Variants in PDK1 observed in about 807,000 individuals in gnomAD.
The protein encoded by PDK1 is pyruvate dehydrogenase kinase 1, also known as [Pyruvate dehydrogenase (acetyl-transferring)] kinase isozyme 1, mitochondrial.
PDK1 carries 39 observed loss-of-function variants against 54.2 expected under a neutral mutation model. That is an observed-to-expected ratio of 0.72 (90% confidence interval 0.56 to 0.94). PDK1 has a LOEUF of 0.94. Among genes scored for constraint, PDK1 ranks in the 40% least tolerant of loss-of-function variants. The pLI, the probability that PDK1 is intolerant of heterozygous loss-of-function variation, is 0.00. For missense variants in PDK1, 552 were observed against 566.0 expected, an observed-to-expected ratio of 0.98 and a Z score of 0.25; for synonymous variants, 221 against 207.1, an observed-to-expected ratio of 1.07 and a Z score of -0.58.
At chr2:172,636,279 A>G in the PDK1 span, among the ~76,000 whole-genome samples, 15,526 of 152,274 alleles carry the variant, frequency 0.1, 954 homozygotes, top group Non-Finnish European at 0.13. Flanking sequence ...TGGCACTAGC[A>G]TCTGCTTCTA....
the PDK1 span, chr2:172,674,066 G>T: frequency 6.6e-6 from 1 of 152,152 alleles, no homozygotes; most frequent in East Asian, 1.9e-4. Context: ...AGAAAATAAG[G>T]CTTGACTAAC....
the PDK1 span, among the ~76,000 whole-genome samples, chr2:172,704,288 A>G: frequency 2.6e-5 from 4 of 152,130 alleles, no homozygotes; most frequent in Admixed American, 6.5e-5. Flanking sequence ...CAGGGCTCCC[A>G]GGGACTCTGT....
At chr2:172,720,700 T>C in the PDK1 span, among the ~76,000 whole-genome samples, 3 of 152,186 alleles carry the variant, frequency 2.0e-5, no homozygotes, top group African/African-American at 7.2e-5. Flanking sequence ...TGTTCCTTGC[T>C]CTTCCAATAA....
the PDK1 span, among the ~76,000 whole-genome samples, chr2:172,703,831 T>C: frequency 6.8e-6 from 1 of 147,692 alleles, no homozygotes; most frequent in African/African-American, 2.5e-5. Flanking sequence ...GGCATGCAGT[T>C]GTGCGATCTC....
the PDK1 span, among the ~76,000 whole-genome samples, chr2:172,649,595 A>C: frequency 6.6e-6 from 1 of 152,312 alleles, no homozygotes; most frequent in African/African-American, 2.4e-5. Flanking sequence ...TTGAAAAAAA[A>C]CTTAGATGAA....
At chr2:172,683,962 T>G in the PDK1 span, among the ~76,000 whole-genome samples, 1 of 152,196 alleles carries the variant, frequency 6.6e-6, no homozygotes, top group Non-Finnish European at 1.5e-5. Context: ...GACATTATGA[T>G]GAGAGCAACC....
At chr2:172,704,350 C>T in the PDK1 span, among the ~76,000 whole-genome samples, 1 of 152,044 alleles carries the variant, frequency 6.6e-6, no homozygotes, top group African/African-American at 2.4e-5. Flanking sequence ...TGTTTTCAGT[C>T]GGGGTTTTGT....
chr2:172,672,365 A>G, the PDK1 span, among the ~76,000 whole-genome samples: 4 of 151,696 alleles, frequency 2.6e-5, no homozygotes, highest in East Asian at 7.7e-4. Flanking sequence ...TCCTTCCTCC[A>G]CTCCTTGCTA....
chr2:172,588,475 C>G (rs1416231084), intron 9 of PDK1, among the ~76,000 whole-genome samples: 1 of 152,168 alleles, frequency 6.6e-6, no homozygotes, highest in East Asian at 1.9e-4. Context: ...TAAAAATGCT[C>G]TTTATGGTGC....
the PDK1 span, among the ~76,000 whole-genome samples, chr2:172,669,613 T>C: frequency 1.3e-5 from 2 of 152,180 alleles, no homozygotes; most frequent in South Asian, 4.1e-4. Context: ...TTGTCCAAAA[T>C]GGCTGTACTA....
chr2:172,705,776 G>T, the PDK1 span, among the ~76,000 whole-genome samples: 2 of 152,188 alleles, frequency 1.3e-5, no homozygotes, highest in Non-Finnish European at 2.9e-5. Flanking sequence ...GAAGAATAAA[G>T]AATATTTACA....
chr2:172,617,889 CTTTA>C, the PDK1 span, among the ~76,000 whole-genome samples: 8 of 152,134 alleles, frequency 5.3e-5, no homozygotes, highest in African/African-American at 1.9e-4. Flanking sequence ...AAACACATAA[CTTTA>C]TTTAAAAAAA....
chr2:172,590,588 G>T (rs1159134318), intron 9 of PDK1, among the ~76,000 whole-genome samples: 1 of 152,166 alleles, frequency 6.6e-6, no homozygotes, highest in African/African-American at 2.4e-5. Flanking sequence ...GCAGACCTTC[G>T]TGGTGAGTGT....
chr2:172,696,172 C>CA, the PDK1 span, among the ~76,000 whole-genome samples: 92,476 of 121,804 alleles, frequency 0.76, 35,491 homozygotes, highest in East Asian at 0.92. Context: ...AACTCTGTCT[C>CA]AAAAAAAAAA....
chr2:172,647,102 G>A, the PDK1 span, among the ~76,000 whole-genome samples: 9 of 152,120 alleles, frequency 5.9e-5, no homozygotes, highest in African/African-American at 2.2e-4. Flanking sequence ...GCAAAATTTA[G>A]AGGCCAATAA....
chr2:172,568,218 C>T (rs1266065840), intron 6 of PDK1, among the ~76,000 whole-genome samples: 1 of 150,694 alleles, frequency 6.6e-6, no homozygotes, highest in East Asian at 2.0e-4. Flanking sequence ...ATCCCAGCTA[C>T]TCGGGAGGCT....
At chr2:172,711,307 G>C in the PDK1 span, among the ~76,000 whole-genome samples, 4 of 152,270 alleles carry the variant, frequency 2.6e-5, no homozygotes, top group East Asian at 7.7e-4. Flanking sequence ...CAGAGATAGT[G>C]CATTAATCTC....
chr2:172,667,676 A>C, the PDK1 span, among the ~76,000 whole-genome samples: 17 of 152,364 alleles, frequency 1.1e-4, no homozygotes, highest in Admixed American at 3.9e-4. Context: ...CATTCTTGTC[A>C]GATATAAGCT....
chr2:172,622,625 CTCATTATGTGAGATATGTTTATA>C, the PDK1 span, among the ~76,000 whole-genome samples: 19 of 140,364 alleles, frequency 1.4e-4, no homozygotes, highest in Admixed American at 4.4e-4. Flanking sequence ...ATATGTTTAT[CTCATTATGTGAGATATGTTTATA>C]TCTCATGTGA....
Sources: allele counts gnomAD v4.1 joint callset (sites outside exome capture counted in the v4.1 genomes callset), GRCh38; gene constraint gnomAD v4.1.1; transcripts MANE v1.5; gene names NCBI Gene and HGNC (gene_info 2026-07-23, HGNC 2026-07-21).